Variants in CDYL observed in about 807,000 individuals in gnomAD.
The protein encoded by CDYL is chromodomain Y like, also known as chromodomain Y-like protein.
CDYL carries 8 observed loss-of-function variants against 47.3 expected under a neutral mutation model. The ratio of observed to expected loss-of-function variants is 0.17; its 90% CI spans 0.10 to 0.31. The LOEUF is 0.31. Among genes scored for constraint, CDYL ranks in the 10% least tolerant of loss-of-function variants. The pLI is 1.00. For synonymous variants in CDYL, 266 were observed against 265.0 expected, an observed-to-expected ratio of 1.00 and a Z score of -0.04; for missense variants, 471 against 701.4, an observed-to-expected ratio of 0.67 and a Z score of 3.71.
At chr6:4,832,559 T>A (rs1276998101) in intron 1 of CDYL, among the ~76,000 whole-genome samples, 2 of 150,606 alleles carry the variant, frequency 1.3e-5, no homozygotes, top group Admixed American at 6.6e-5. Context: ...TGTCTCTGCC[T>A]GGCTTTGGTA....
At chr6:4,827,141 T>C (rs1378996519) in intron 1 of CDYL, among the ~76,000 whole-genome samples, 1 of 152,200 alleles carries the variant, frequency 6.6e-6, no homozygotes, top group East Asian at 1.9e-4. Flanking sequence ...GCTTACTATT[T>C]ACATTTAATA....
intron 2 of CDYL, among the ~76,000 whole-genome samples, chr6:4,726,976 T>C (rs775070897): frequency 6.6e-6 from 1 of 152,150 alleles, no homozygotes; most frequent in Non-Finnish European, 1.5e-5. Context: ...CTAAGTAGGC[T>C]CTAAAATTAG....
At chr6:4,921,765 T>C (rs1204550531) in intron 2 of CDYL, among the ~76,000 whole-genome samples, 1 of 152,208 alleles carries the variant, frequency 6.6e-6, no homozygotes, top group East Asian at 1.9e-4. Context: ...GTTTCTTTGC[T>C]AATGGCATAG....
chr6:4,946,939 G>T (rs1241929049), intron 5 of CDYL, among the ~76,000 whole-genome samples: 2 of 152,136 alleles, frequency 1.3e-5, no homozygotes, highest in Admixed American at 6.5e-5. Flanking sequence ...CGTGCTTCCA[G>T]TAGCCATCCC....
intron 1 of CDYL, among the ~76,000 whole-genome samples, chr6:4,874,046 G>T (rs781318027): frequency 6.6e-6 from 1 of 152,096 alleles, no homozygotes; most frequent in Non-Finnish European, 1.5e-5. Context: ...GGTGCTCATC[G>T]TTCAGTTGCC....
At chr6:4,713,993 C>T (rs1469600709) in intron 1 of CDYL, 1 of 152,222 alleles carries the variant, frequency 6.6e-6, no homozygotes, top group Non-Finnish European at 1.5e-5. Flanking sequence ...TCACAGCTAA[C>T]ATTGAGAGGA....
chr6:4,768,027 G>A (rs1363920943), intron 3 of CDYL, among the ~76,000 whole-genome samples: 1 of 152,154 alleles, frequency 6.6e-6, no homozygotes, highest in Non-Finnish European at 1.5e-5. Context: ...TACCAGATTT[G>A]CCTGCCTCTC....
chr6:4,871,069 G>C (rs1227968155), intron 1 of CDYL, among the ~76,000 whole-genome samples: 2 of 152,088 alleles, frequency 1.3e-5, no homozygotes, highest in Non-Finnish European at 2.9e-5. Context: ...TTTAAGTTTT[G>C]TTGTTTTATG....
In CDYL at chr6:4,776,733, C is replaced by G; in HGVS notation, c.-51C>G. On this transcript the variant is annotated 5_prime_UTR_variant, in exon 1 of 7. Coordinates refer to ENST00000397588, the MANE Select transcript of CDYL (RefSeq NM_004824.4). ...GAAACAAAGTGTCGGCCGCCCGGCG[C>G]CGGCGCCCGCCCCGACCCTGCCCCT... The G allele has an allele frequency of 7.9e-7, 1 of 1,272,672 alleles. No homozygotes were observed. The highest frequency in any genetic ancestry group is 1.4e-5 in the South Asian group (1 of 72,700). The allele number at this position is 1,272,672 out of a possible 1,614,324, so 78.8% of individuals were successfully genotyped here.
intron 1 of CDYL, among the ~76,000 whole-genome samples, chr6:4,838,624 T>C (rs1438110092): frequency 1.3e-5 from 2 of 152,220 alleles, no homozygotes; most frequent in South Asian, 2.1e-4. Flanking sequence ...CTTTTTCATA[T>C]AATGACTTCT....
chr6:4,724,788 A>C (rs895966890), intron 2 of CDYL: 2 of 152,214 alleles, frequency 1.3e-5, no homozygotes, highest in Admixed American at 6.5e-5. Context: ...AACTCACAAA[A>C]GCAGTGTGGA....
chr6:4,925,744 G>A (rs1402229523), intron 2 of CDYL, among the ~76,000 whole-genome samples: 1 of 152,160 alleles, frequency 6.6e-6, no homozygotes, highest in Non-Finnish European at 1.5e-5. Context: ...ATGAGTAGGT[G>A]AGAGTGGACG....
At chr6:4,930,456 G>A (rs1012097546) in intron 2 of CDYL, among the ~76,000 whole-genome samples, 1 of 152,172 alleles carries the variant, frequency 6.6e-6, no homozygotes, top group Non-Finnish European at 1.5e-5. Context: ...CACCTGCACT[G>A]TGGCAGCTGC....
chr6:4,786,011 G>C (rs1375888068), intron 1 of CDYL, among the ~76,000 whole-genome samples: 1 of 152,222 alleles, frequency 6.6e-6, no homozygotes, highest in Non-Finnish European at 1.5e-5. Context: ...ATCAAGAAGA[G>C]TTTTTAAAAA....
At chr6:4,888,801 G>T (rs960078432) in intron 1 of CDYL, among the ~76,000 whole-genome samples, 1 of 152,056 alleles carries the variant, frequency 6.6e-6, no homozygotes, top group Admixed American at 6.6e-5. Context: ...ATAAGTTTTG[G>T]TATGTTGTGG....
chr6:4,926,311 A>G (rs1011199467), intron 2 of CDYL, among the ~76,000 whole-genome samples: 1 of 151,818 alleles, frequency 6.6e-6, no homozygotes, highest in South Asian at 2.1e-4. Context: ...ATTACGTTCA[A>G]TATATGTAAA....
At chr6:4,777,352 C>T (rs1447156636) in intron 1 of CDYL, among the ~76,000 whole-genome samples, 1 of 152,126 alleles carries the variant, frequency 6.6e-6, no homozygotes, top group Non-Finnish European at 1.5e-5. Flanking sequence ...GCATTGTGGC[C>T]AGAGCCAGGA....
chr6:4,715,210 C>T (rs1475263122), intron 1 of CDYL, among the ~76,000 whole-genome samples: 3 of 152,204 alleles, frequency 2.0e-5, no homozygotes, highest in African/African-American at 7.2e-5. Flanking sequence ...TTGGTTACTT[C>T]TTCCTGCTTT....
chr6:4,706,276 G>C (rs80044034), intron 1 of CDYL: 1 of 152,220 alleles, frequency 6.6e-6, no homozygotes, highest in Non-Finnish European at 1.5e-5. Context: ...GAGGAAATGG[G>C]AGGGGAGAGG....
Sources: allele counts gnomAD v4.1 joint callset (sites outside exome capture counted in the v4.1 genomes callset), GRCh38; gene constraint gnomAD v4.1.1; transcripts MANE v1.5; gene names NCBI Gene and HGNC (gene_info 2026-07-23, HGNC 2026-07-21).